LRRK2: variants seen among roughly 807,000 people sequenced by gnomAD.
LRRK2 encodes leucine-rich repeat serine/threonine-protein kinase 2.
LRRK2 carries 203 observed loss-of-function variants against 302.6 expected under a neutral mutation model. The observed-to-expected ratio is 0.67, with a 90% CI of 0.60 to 0.75. LRRK2 has a LOEUF of 0.75. Among genes scored for constraint, LRRK2 ranks in the 30% least tolerant of loss-of-function variants. The probability of loss-of-function intolerance (pLI) is 0.00; values close to 1 mark genes in which losing one functional copy is unlikely to be tolerated. For synonymous variants in LRRK2, 1,066 were observed against 1,031.9 expected, an observed-to-expected ratio of 1.03 and a Z score of -0.63; for missense variants, 2,830 against 2,951.0, an observed-to-expected ratio of 0.96 and a Z score of 0.95.
chr12:40,361,282 A>G (rs1946698035), intron 47 of LRRK2, among the ~76,000 whole-genome samples: 1 of 152,148 alleles, frequency 6.6e-6, no homozygotes, highest in Non-Finnish European at 1.5e-5. Context: ...CATTTGGATC[A>G]ACTCATTCTC....
intron 14 of LRRK2, among the ~76,000 whole-genome samples, chr12:40,266,152 G>A (rs1459236194): frequency 6.6e-6 from 1 of 152,106 alleles, no homozygotes; most frequent in African/African-American, 2.4e-5. Flanking sequence ...ATTGACAAAT[G>A]GGATCTAATT....
At position 40,319,976 on chromosome 12, in the gene LRRK2, C is replaced by T. The variant is rs201357142; in HGVS notation, c.4828-12C>T. 7 of 1,604,338 alleles carry T rather than the reference C, an allele frequency of 4.4e-6. No individual in the cohort carries two copies. The highest frequency in any genetic ancestry group is 1.1e-5 in the South Asian group (1 of 89,462). On this transcript the variant is annotated splice_polypyrimidine_tract_variant and intron_variant, in intron 33 of 50. Transcript: ENST00000298910. The stretch of plus-strand genomic sequence containing the variant: ...TAAATTTTAGTGATTATTTATGACT[C>T]GAATCTTTCAGATTTTGACAGTGAA...
chr12:40,268,085 C>T (rs191580761), intron 14 of LRRK2, among the ~76,000 whole-genome samples: 12 of 152,114 alleles, frequency 7.9e-5, no homozygotes, highest in African/African-American at 1.4e-4. Flanking sequence ...TCTAGAACAG[C>T]GATGTTCCAT....
chr12:40,319,853 T>G (rs1592282985), intron 33 of LRRK2, 135 bp from the exon 34 acceptor site: 4 of 712,652 alleles, frequency 5.6e-6, no homozygotes, highest in Non-Finnish European at 6.8e-6. Context: ...CTAGAGAAAT[T>G]AGGTACTGTG....
In LRRK2 at chr12:40,251,379, G is replaced by T; in HGVS notation, c.1101+5G>T. On this transcript the variant is annotated splice_donor_5th_base_variant and intron_variant, in intron 9 of 50. Coordinates refer to ENST00000298910, the MANE Select transcript of LRRK2 (RefSeq NM_198578.4). ...AGAAAGAACAAGCACGTGCAGGTAG[G>T]ACTCTCATAAATATTAGAGTTATTC... 6.2e-7 allele frequency: 1 copy of T among 1,613,822 alleles called. No homozygotes were observed. The highest frequency in any genetic ancestry group is 8.5e-7 in the Non-Finnish European group (1 of 1,179,860).
At position 40,320,132 on chromosome 12, in the gene LRRK2, A is replaced by G; in HGVS notation, c.4972A>G (p.Ile1658Val). ...TTTTAAGCTCCTAGAAAAATTCCAG[A>G]TTGCTTTGCCAATAGGAGAAGAATA... ...QYFKLLEKFQIALPIGEEYLL... is the reference protein window; with the variant it reads ...QYFKLLEKFQVALPIGEEYLL... Residue 1658 changes from isoleucine (I) to valine (V), a missense_variant, in exon 34 of 51, where the codon ATT becomes GTT. By Grantham distance (29) the Ile-to-Val change is conservative (BLOSUM62 3). This residue lies in a region of LRRK2 where 2,121 missense variants were observed against 2,148.0 expected (regional missense o/e 0.99). Transcript: ENST00000298910. The G allele has an allele frequency of 6.2e-7, 1 of 1,611,834 alleles. No individual in the cohort carries two copies. Among genetic ancestry groups the G allele is most frequent in the Non-Finnish European group, 8.5e-7 (1 of 1,178,894 alleles).
chr12:40,272,611 C>G (rs1309293239), intron 14 of LRRK2, among the ~76,000 whole-genome samples: 1 of 152,058 alleles, frequency 6.6e-6, no homozygotes, highest in Non-Finnish European at 1.5e-5. Context: ...TATGAAATCC[C>G]ATCCATGAAT....
rs1430052774 is a variant in LRRK2 at position 40,301,448 on chromosome 12, C to G, written c.3497-1341C>G. Among the ~76,000 whole-genome samples, 3 of 151,986 alleles carry G rather than the reference C, an allele frequency of 2.0e-5. No homozygotes were observed. The East Asian group carries it at 5.8e-4, about 29-fold the overall frequency. ...TCAATCAATCAAACAATCAATAAAT[C>G]CCATGTAAAATAAAGTTTTAGTTCT... On this transcript the variant is annotated intron_variant, in intron 25 of 50. Coordinates refer to ENST00000298910, the MANE Select transcript of LRRK2 (RefSeq NM_198578.4).
chr12:40,279,396 TAAAC>T (rs1432119093), intron 18 of LRRK2, among the ~76,000 whole-genome samples: 2 of 152,110 alleles, frequency 1.3e-5, no homozygotes, highest in East Asian at 3.9e-4. Flanking sequence ...TAAAATCACA[TAAAC>T]AATCTAATTA....
chr12:40,275,082 G>A (rs1442010552), intron 16 of LRRK2, 89 bp downstream of exon 16: 1 of 1,389,502 alleles, frequency 7.2e-7, no homozygotes, highest in Non-Finnish European at 1.0e-6. Flanking sequence ...GCATGAATGG[G>A]GTATTCTAGT....
intron 49 of LRRK2, 22 bp from the exon 50 acceptor site, chr12:40,366,984 T>C (rs1946898096): frequency 1.3e-6 from 2 of 1,591,802 alleles, no homozygotes; most frequent in African/African-American, 1.3e-5. Context: ...ACAGAAAACT[T>C]ACATATTTTG....
At chr12:40,269,464 G>C (rs895764771) in intron 14 of LRRK2, among the ~76,000 whole-genome samples, 8 of 152,248 alleles carry the variant, frequency 5.3e-5, no homozygotes, top group South Asian at 4.1e-4. Flanking sequence ...GATAGTAGTT[G>C]CTCCATCAGT....
At chr12:40,359,613 A>G (rs1474012710) in intron 47 of LRRK2, among the ~76,000 whole-genome samples, 169 bp downstream of exon 47, 2 of 152,114 alleles carry the variant, frequency 1.3e-5, no homozygotes, top group Non-Finnish European at 2.9e-5. Flanking sequence ...AAATTCCAGA[A>G]AGCAGAAGGG....
intron 39 of LRRK2, among the ~76,000 whole-genome samples, chr12:40,330,271 T>G (rs1430424056): frequency 6.6e-6 from 1 of 152,212 alleles, no homozygotes; most frequent in African/African-American, 2.4e-5. Context: ...CCCTCCCATG[T>G]GGTGGATATG....
intron 47 of LRRK2, among the ~76,000 whole-genome samples, chr12:40,360,020 C>A (rs1262988245): frequency 1.3e-5 from 2 of 152,022 alleles, no homozygotes; most frequent in African/African-American, 4.8e-5. Context: ...CAAATCTTTG[C>A]AGTTGGTTCT....
intron 16 of LRRK2, among the ~76,000 whole-genome samples, chr12:40,276,132 T>C (rs1387862371): frequency 6.6e-6 from 1 of 152,148 alleles, no homozygotes; most frequent in Admixed American, 6.6e-5. Context: ...TAAACCAAGA[T>C]AGGATTGATT....
chr12:40,268,997 G>C (rs974796385), intron 14 of LRRK2, among the ~76,000 whole-genome samples: 1 of 152,142 alleles, frequency 6.6e-6, no homozygotes, highest in Admixed American at 6.6e-5. Context: ...AGATGGATGA[G>C]ATTTAAAGTC....
chr12:40,344,613 A>T (rs1946138075), intron 41 of LRRK2, among the ~76,000 whole-genome samples: 1 of 152,212 alleles, frequency 6.6e-6, no homozygotes, highest in Non-Finnish European at 1.5e-5. Context: ...TGAAATGTTC[A>T]ATAAGGTGTC....
chr12:40,336,022 C>A (rs964584379), intron 40 of LRRK2, among the ~76,000 whole-genome samples: 1 of 152,190 alleles, frequency 6.6e-6, no homozygotes, highest in African/African-American at 2.4e-5. Flanking sequence ...CTACTGGTCC[C>A]CTGCTTCTAC....
Sources: allele counts gnomAD v4.1 joint callset (sites outside exome capture counted in the v4.1 genomes callset), GRCh38; gene constraint gnomAD v4.1.1; regional missense constraint gnomAD v4.1.1; transcripts MANE v1.5; gene names NCBI Gene and HGNC (gene_info 2026-07-23, HGNC 2026-07-21).